Variants in CUL1 observed in about 807,000 individuals in gnomAD.
CUL1 encodes the protein cullin-1.
In CUL1, 24 loss-of-function variants were observed where a neutral mutation model predicts 118.0. That is an observed-to-expected ratio of 0.20 (90% CI 0.15 to 0.29). CUL1 has a LOEUF of 0.29. Among genes scored for constraint, CUL1 ranks in the 10% least tolerant of loss-of-function variants. CUL1 has a pLI of 1.00. For missense variants in CUL1, 361 were observed against 933.8 expected, an observed-to-expected ratio of 0.39 and a Z score of 7.99; for synonymous variants, 332 against 340.4, an observed-to-expected ratio of 0.98 and a Z score of 0.27.
chr7:148,699,754 C>T (rs1468005762), intron 1 of CUL1, among the ~76,000 whole-genome samples: 1 of 152,090 alleles, frequency 6.6e-6, no homozygotes, highest in East Asian at 1.9e-4. Flanking sequence ...GGACAGAGCC[C>T]CCCGGCGCCC....
intron 9 of CUL1, among the ~76,000 whole-genome samples, chr7:148,776,781 C>T (rs1261561859): frequency 1.3e-5 from 2 of 152,138 alleles, no homozygotes; most frequent in Non-Finnish European, 2.9e-5. Context: ...TGAAGTAACC[C>T]TTGATTGGCT....
At chr7:148,752,375 G>GT (rs1185680716) in intron 2 of CUL1, among the ~76,000 whole-genome samples, 1 of 149,676 alleles carries the variant, frequency 6.7e-6, no homozygotes, top group East Asian at 1.9e-4. Context: ...TGGGTCATGA[G>GT]TATACAGTAG....
chr7:148,756,740 G>A (rs533343389), intron 3 of CUL1, among the ~76,000 whole-genome samples: 1 of 152,194 alleles, frequency 6.6e-6, no homozygotes, highest in South Asian at 2.1e-4. Flanking sequence ...CTTTTTTTGA[G>A]TGTGTTTGCA....
At chr7:148,770,871 A>G (rs1800186924) in intron 9 of CUL1, among the ~76,000 whole-genome samples, 1 of 152,266 alleles carries the variant, frequency 6.6e-6, no homozygotes, top group African/African-American at 2.4e-5. Context: ...CCCAACCATA[A>G]TTATTTTCAA....
chr7:148,765,284 T>A (rs1412905953), intron 7 of CUL1, among the ~76,000 whole-genome samples: 1 of 152,238 alleles, frequency 6.6e-6, no homozygotes. Flanking sequence ...TCTTGAGTAT[T>A]GATTCATTAC....
At chr7:148,780,113 GTA>G (rs3059411) in intron 9 of CUL1, among the ~76,000 whole-genome samples, 105,555 of 151,468 alleles carry the variant, frequency 0.7, 37,311 homozygotes, top group African/African-American at 0.81. Context: ...ATAAACTCCC[GTA>G]TATATATATA....
intron 9 of CUL1, chr7:148,783,438 G>T: frequency 1.0e-6 from 1 of 985,456 alleles, no homozygotes; most frequent in Non-Finnish European, 1.2e-6. Flanking sequence ...ACAGAGTCCA[G>T]AGTTCCACTG....
At chr7:148,782,174 G>A (rs1416127891) in intron 9 of CUL1, among the ~76,000 whole-genome samples, 1 of 152,224 alleles carries the variant, frequency 6.6e-6, no homozygotes, top group Admixed American at 6.5e-5. Flanking sequence ...AAATCTGAAA[G>A]TGATCTAAAA....
chr7:148,762,637 T>C (rs1218248518), intron 7 of CUL1, among the ~76,000 whole-genome samples: 2 of 152,258 alleles, frequency 1.3e-5, no homozygotes, highest in South Asian at 2.1e-4. Context: ...CTCTGCTGTA[T>C]ATGGTGATTC....
intron 7 of CUL1, among the ~76,000 whole-genome samples, chr7:148,762,111 T>TA (rs1430763050): frequency 6.6e-6 from 1 of 152,196 alleles, no homozygotes; most frequent in African/African-American, 2.4e-5. Flanking sequence ...ATCCTTGTAC[T>TA]AGGAGATCTC....
At chr7:148,737,118 T>C (rs1798971073) in intron 2 of CUL1, among the ~76,000 whole-genome samples, 1 of 152,204 alleles carries the variant, frequency 6.6e-6, no homozygotes. Context: ...ATTCTTAGGA[T>C]TGAGAAATTG....
intron 1 of CUL1, among the ~76,000 whole-genome samples, chr7:148,705,744 G>C (rs1797859192): frequency 6.6e-6 from 1 of 152,136 alleles, no homozygotes; most frequent in South Asian, 2.1e-4. Context: ...TCAGGGAATA[G>C]ACATGAAGAC....
intron 9 of CUL1, among the ~76,000 whole-genome samples, chr7:148,781,155 C>T (rs74475077): frequency 7.3e-6 from 1 of 136,222 alleles, no homozygotes; most frequent in African/African-American, 2.8e-5. Flanking sequence ...GATCTCGGCT[C>T]ACTGCATCCT....
Position 148,730,042 on chromosome 7 carries a change from T to C in CUL1, c.-81T>C. ...GCTGTGAATAAATTTGGAATGGTAC[T>C]GTATATTTTCATCTAATGGAGAACT... On this transcript the variant is annotated 5_prime_UTR_variant, in exon 2 of 22. Coordinates refer to ENST00000325222, the MANE Select transcript of CUL1 (RefSeq NM_003592.3). The C allele has an allele frequency of 6.8e-7, 1 of 1,476,622 alleles. No homozygotes were observed. The highest frequency in any genetic ancestry group is 9.2e-7 in the Non-Finnish European group (1 of 1,088,104). 91.5% of individuals were successfully genotyped at this position (1,476,622 alleles called of 1,614,324 possible).
chr7:148,718,012 G>A lies in CUL1; in HGVS notation c.-161-11950G>A, dbSNP rs1798272816. Among the ~76,000 whole-genome samples the A allele has an allele frequency of 2.6e-5, 4 of 152,196 alleles. No individual in the cohort carries two copies. In the South Asian group the frequency reaches 6.2e-4, roughly 24 times the overall value. Reference sequence around the variant, plus strand: ...GGGGAGTATAAACCCCTCTCTATTGGTAATGTCTTACATAGCATTTCTTAA... The same window carrying A: ...GGGGAGTATAAACCCCTCTCTATTGATAATGTCTTACATAGCATTTCTTAA... On this transcript the variant is annotated intron_variant, in intron 1 of 21. Coordinates refer to ENST00000325222, the MANE Select transcript of CUL1 (RefSeq NM_003592.3).
At chr7:148,740,837 C>T (rs1799117836) in intron 2 of CUL1, among the ~76,000 whole-genome samples, 1 of 152,198 alleles carries the variant, frequency 6.6e-6, no homozygotes, top group South Asian at 2.1e-4. Flanking sequence ...TGTGAGGACA[C>T]AGTGAGAAGG....
intron 9 of CUL1, among the ~76,000 whole-genome samples, chr7:148,774,355 A>G (rs1800328093): frequency 6.6e-6 from 1 of 152,224 alleles, no homozygotes; most frequent in African/African-American, 2.4e-5. Context: ...TCAGCAGTAC[A>G]CTCACAAGGA....
chr7:148,766,726 G>A lies in CUL1; in HGVS notation c.952+3G>A. The A allele has an allele frequency of 6.2e-7, 1 of 1,610,034 alleles. No homozygotes were observed. The highest frequency in any genetic ancestry group is 8.5e-7 in the Non-Finnish European group (1 of 1,178,390). Reference sequence around the variant, plus strand: ...ATTGGATGCTGACAAAAATGAAGGTGAGCCACAAGACTCATAAAATGTAGG... The same window carrying A: ...ATTGGATGCTGACAAAAATGAAGGTAAGCCACAAGACTCATAAAATGTAGG... On this transcript the variant is annotated splice_donor_region_variant and intron_variant, in intron 8 of 21. Transcript: ENST00000325222.
intron 7 of CUL1, among the ~76,000 whole-genome samples, chr7:148,761,875 G>A (rs931995917): frequency 1.3e-5 from 2 of 152,202 alleles, no homozygotes; most frequent in Non-Finnish European, 2.9e-5. Flanking sequence ...GATGGTTTTG[G>A]GACGAAACTG....
Sources: allele counts gnomAD v4.1 joint callset (sites outside exome capture counted in the v4.1 genomes callset), GRCh38; gene constraint gnomAD v4.1.1; transcripts MANE v1.5; gene names NCBI Gene and HGNC (gene_info 2026-07-23, HGNC 2026-07-21).